The following NADK2 variants were observed in gnomAD, a reference collection of about 807,000 sequenced individuals.
The protein encoded by NADK2 is NAD kinase 2, mitochondrial, also known as NAD kinase domain-containing protein 1, mitochondrial.
In NADK2, 35 loss-of-function variants were observed where a neutral mutation model predicts 62.1. The observed-to-expected ratio is 0.56, with a 90% CI of 0.43 to 0.75. The LOEUF (loss-of-function observed/expected upper bound fraction) is 0.75, where lower values mean the gene tolerates loss of function less well. Ranked by LOEUF, NADK2 falls within the 30% of genes least tolerant of loss-of-function variation. The pLI is 0.00. For synonymous variants in NADK2, 205 were observed against 207.9 expected, an observed-to-expected ratio of 0.99 and a Z score of 0.12; for missense variants, 439 against 561.3, an observed-to-expected ratio of 0.78 and a Z score of 2.20.
chr5:36,222,059 C>T (rs776069617), intron 4 of NADK2, among the ~76,000 whole-genome samples: 1 of 152,122 alleles, frequency 6.6e-6, no homozygotes, highest in Non-Finnish European at 1.5e-5. Flanking sequence ...AATTAAAATA[C>T]AAGGTCCTAT....
At chr5:36,202,822 C>T (rs963161720) in intron 8 of NADK2, among the ~76,000 whole-genome samples, 2 of 152,088 alleles carry the variant, frequency 1.3e-5, no homozygotes, top group African/African-American at 4.8e-5. Flanking sequence ...TAACCACTTA[C>T]AGGAAGCCAC....
chr5:36,197,451 T>C (rs1746270418), intron 11 of NADK2, 90 bp downstream of exon 11: 1 of 1,540,326 alleles, frequency 6.5e-7, no homozygotes, highest in Non-Finnish European at 8.9e-7. Context: ...AATGAGCAAA[T>C]TTAATGAAAT....
chr5:36,195,157 A>C lies in NADK2; in HGVS notation c.1316T>G (p.Leu439Arg). The C allele has an allele frequency of 6.2e-7, 1 of 1,609,708 alleles. No individual in the cohort carries two copies. The highest frequency in any genetic ancestry group is 1.1e-5 in the South Asian group (1 of 89,884). The change falls in exon 12 of 12, where the codon CTT becomes CGT. Residue 439 changes from leucine (L) to arginine (R), a missense_variant. Coordinates refer to ENST00000381937, the MANE Select transcript of NADK2 (RefSeq NM_001085411.3). The part of the protein sequence containing the change: ...INKEDELRTV[L>R]LEQ ...TGAGGAAATCCTTCACTGTTCAAGA[A>C]GCACAGTTCGAAGCTCATCTTCTTT...
At chr5:36,235,749 T>A (rs907138513) in intron 1 of NADK2, among the ~76,000 whole-genome samples, 32 of 152,052 alleles carry the variant, frequency 2.1e-4, no homozygotes, top group African/African-American at 7.0e-4. Context: ...ATTCTGTTCT[T>A]TATCAGGACC....
rs1257802326 is a variant in NADK2, at chr5:36,193,093, A to G, written c.*2051T>C. 1 of 152,184 alleles carries G rather than the reference A, an allele frequency of 6.6e-6. No individual in the cohort carries two copies. 9.4% of individuals were successfully genotyped at this position (152,184 alleles called of 1,614,324 possible). On this transcript the variant is annotated 3_prime_UTR_variant, in exon 12 of 12. Transcript: ENST00000381937. ...ATATGGCTTATAATTTTACACAGCAAGTTACCTATTAATATGTTACATATT... is the reference window on the plus strand; with the variant it reads ...ATATGGCTTATAATTTTACACAGCAGGTTACCTATTAATATGTTACATATT...
chr5:36,200,127 TA>T (rs35054254), intron 10 of NADK2, 99 bp downstream of exon 10: 183 of 712,960 alleles, frequency 2.6e-4, no homozygotes, highest in South Asian at 4.2e-4. Flanking sequence ...CATGTTTGAG[TA>T]AAAAAAAGTA....
intron 1 of NADK2, among the ~76,000 whole-genome samples, chr5:36,238,449 G>C (rs1747988540): frequency 6.6e-6 from 1 of 152,314 alleles, no homozygotes; most frequent in Non-Finnish European, 1.5e-5. Flanking sequence ...AGAAACTGCT[G>C]ACTTCTTATT....
At chr5:36,203,449 G>A (rs932820387) in intron 8 of NADK2, among the ~76,000 whole-genome samples, 1 of 152,108 alleles carries the variant, frequency 6.6e-6, no homozygotes, top group Non-Finnish European at 1.5e-5. Flanking sequence ...TAATGGAAGA[G>A]GGGAGAACAT....
chr5:36,238,012 T>C (rs1480535601), intron 1 of NADK2, among the ~76,000 whole-genome samples: 1 of 152,186 alleles, frequency 6.6e-6, no homozygotes, highest in Admixed American at 6.5e-5. Flanking sequence ...TCACTTTAGA[T>C]AGACACTCTG....
At chr5:36,228,114 GA>G (rs1747552806) in intron 1 of NADK2, among the ~76,000 whole-genome samples, 1 of 151,944 alleles carries the variant, frequency 6.6e-6, no homozygotes, top group South Asian at 2.1e-4. Context: ...TTTACCTTAC[GA>G]AATCTAAACA....
At chr5:36,200,941 C>T (rs1179968641) in intron 9 of NADK2, among the ~76,000 whole-genome samples, 165 bp downstream of exon 9, 3 of 151,946 alleles carry the variant, frequency 2.0e-5, no homozygotes, top group African/African-American at 7.2e-5. Context: ...GATTTACAAT[C>T]AGATATATGA....
chr5:36,225,852 G>A (rs1282592867), intron 3 of NADK2, among the ~76,000 whole-genome samples: 1 of 152,070 alleles, frequency 6.6e-6, no homozygotes, highest in Non-Finnish European at 1.5e-5. Flanking sequence ...CTTTGTTGTG[G>A]GGACACTGTA....
chr5:36,197,516 C>T (rs2112053603), intron 11 of NADK2, 25 bp downstream of exon 11: 1 of 1,611,690 alleles, frequency 6.2e-7, no homozygotes, highest in Non-Finnish European at 8.5e-7. Context: ...TGAAAACAGT[C>T]AGAAGTCAGA....
chr5:36,229,403 TA>T (rs1747622070), intron 1 of NADK2, among the ~76,000 whole-genome samples: 1 of 152,178 alleles, frequency 6.6e-6, no homozygotes, highest in Non-Finnish European at 1.5e-5. Context: ...CTGACTATGA[TA>T]ATAACTAGAA....
intron 7 of NADK2, among the ~76,000 whole-genome samples, chr5:36,210,853 ACT>A (rs1436403499): frequency 6.6e-6 from 1 of 152,132 alleles, no homozygotes; most frequent in African/African-American, 2.4e-5. Context: ...TTACTATATT[ACT>A]CTCTTAAATA....
chr5:36,217,618 A>G (rs1052814931), intron 6 of NADK2, 130 bp downstream of exon 6: 1 of 921,034 alleles, frequency 1.1e-6, no homozygotes, highest in African/African-American at 1.6e-5. Context: ...AACTGAAGTA[A>G]TTCACTGTAC....
chr5:36,233,981 G>C (rs1747803886), intron 1 of NADK2, among the ~76,000 whole-genome samples: 1 of 152,104 alleles, frequency 6.6e-6, no homozygotes, highest in Admixed American at 6.5e-5. Context: ...AATGCTTATG[G>C]AAAAAATTAT....
At chr5:36,208,508 C>A in intron 7 of NADK2, 1 of 712,186 alleles carries the variant, frequency 1.4e-6, no homozygotes, top group Non-Finnish European at 2.3e-6. Context: ...AGATGCTCAG[C>A]CCAAAATAAT....
At chr5:36,200,588 C>A (rs1746406773) in intron 9 of NADK2, among the ~76,000 whole-genome samples, 1 of 151,896 alleles carries the variant, frequency 6.6e-6, no homozygotes, top group South Asian at 2.1e-4. Flanking sequence ...TAGAAATCAA[C>A]AATTCATGTT....
Sources: allele counts gnomAD v4.1 joint callset (sites outside exome capture counted in the v4.1 genomes callset), GRCh38; gene constraint gnomAD v4.1.1; transcripts MANE v1.5; gene names NCBI Gene and HGNC (gene_info 2026-07-23, HGNC 2026-07-21).